NRXN3: variants seen among roughly 807,000 people sequenced by gnomAD.
The protein encoded by NRXN3 is neurexin III.
A neutral mutation model predicts 137.6 loss-of-function variants in NRXN3; 32 were observed. The observed-to-expected ratio is 0.23, with a 90% CI of 0.18 to 0.31. The LOEUF (loss-of-function observed/expected upper bound fraction) is 0.31. Among genes scored for constraint, NRXN3 ranks in the 10% least tolerant of loss-of-function variants. The pLI is 1.00. For synonymous variants in NRXN3, 798 were observed against 784.5 expected (o/e 1.02, Z -0.29); for missense variants, 1,574 against 2,062.5 (o/e 0.76, Z 4.59).
At chr14:78,278,752 C>G in intron 3 of NRXN3, 90 bp downstream of exon 3, 1 of 1,067,570 alleles carries the variant, frequency 9.4e-7, no homozygotes, top group Non-Finnish European at 1.4e-6. Flanking sequence ...TTTATAGAGA[C>G]AAAATTCTAA....
At chr14:79,352,173 A>G (rs773497048) in intron 15 of NRXN3, among the ~76,000 whole-genome samples, 2 of 152,094 alleles carry the variant, frequency 1.3e-5, no homozygotes, top group East Asian at 3.9e-4. Context: ...CTCCTTCTGC[A>G]TGCTTTCCTT....
rs1158997740 is a variant in NRXN3, at chr14:78,926,798, ATATATT to A, written c.2276-30438_2276-30433del. Among the ~76,000 whole-genome samples the A allele has an allele frequency of 5.7e-4, 29 of 50,476 alleles. 1 individual carries two copies. Among genetic ancestry groups the A allele is most frequent in the Middle Eastern group, 0.011 (1 of 90 alleles). The allele number at this position is 50,476 out of a possible 152,430, so 33.1% of individuals were successfully genotyped here. A position where few individuals can be genotyped will look rare whatever the true frequency, so the allele number is the denominator to read the frequency against. On this transcript the variant is annotated intron_variant, in intron 10 of 20. Coordinates refer to ENST00000335750, the MANE Select transcript of NRXN3 (RefSeq NM_001330195.2). Reference sequence around the variant, plus strand: ...ATATATATAAAATATATTATATATTATATATTTATATATATTATATATTATATATAA... The same window carrying A: ...ATATATATAAAATATATTATATATTATATATATATTATATATTATATATAA...
At chr14:79,518,399 T>A in intron 16 of NRXN3, among the ~76,000 whole-genome samples, 1 of 152,150 alleles carries the variant, frequency 6.6e-6, no homozygotes, top group East Asian at 1.9e-4. Context: ...GCTTAAATTT[T>A]ATTTTATATA....
Position 79,365,725 on chromosome 14 carries a change from C to CAAAAAAAAAAAAAAAAA in NRXN3, c.3263-101493_3263-101477dup, listed in dbSNP as rs569855024. Among the ~76,000 whole-genome samples the CAAAAAAAAAAAAAAAAA allele has an allele frequency of 3.5e-3, 148 of 42,230 alleles. 4 individuals are homozygous for CAAAAAAAAAAAAAAAAA. The highest frequency in any genetic ancestry group is 4.6e-3 in the Non-Finnish European group (110 of 23,920). The allele number at this position is 42,230 out of a possible 152,430, so 27.7% of individuals were successfully genotyped here. A position where few individuals can be genotyped will look rare whatever the true frequency, so the allele number is the denominator to read the frequency against. On this transcript the variant is annotated intron_variant, in intron 15 of 20. Transcript: ENST00000335750. ...TGGGCGACAGAGCGAGACTCTGTCT[C>CAAAAAAAAAAAAAAAAA]AAAAAAAAAAAAAAAAAAAGAAAAA...
intron 15 of NRXN3, among the ~76,000 whole-genome samples, chr14:79,142,361 C>G (rs10083483): frequency 0.45 from 68,703 of 151,128 alleles, 16,794 homozygotes; most frequent in African/African-American, 0.62. Flanking sequence ...GGGAGGCAGA[C>G]GTTGCAGTGA....
rs1603620763 is a variant in NRXN3 at position 79,864,531 on chromosome 14, G to A, written c.*2567G>A. On this transcript the variant is annotated 3_prime_UTR_variant, in exon 21 of 21. Transcript: ENST00000335750. Reference sequence around the variant, plus strand: ...AGTAAGAGCTAGACCACTTTCATGTGATAGAAGATATTCTAAGCAGTTACT... The same window carrying A: ...AGTAAGAGCTAGACCACTTTCATGTAATAGAAGATATTCTAAGCAGTTACT... 6.6e-6 allele frequency: 1 copy of A among 152,598 alleles called. No individual in the cohort carries two copies. The highest frequency in any genetic ancestry group is 1.9e-4 in the East Asian group (1 of 5,172). The allele number at this position is 152,598 out of a possible 1,614,324, so 9.5% of individuals were successfully genotyped here. A position where few individuals can be genotyped will look rare whatever the true frequency, so the allele number is the denominator to read the frequency against.
intron 4 of NRXN3, among the ~76,000 whole-genome samples, chr14:78,400,781 G>T (rs117616084): frequency 1.3e-5 from 2 of 151,998 alleles, no homozygotes; most frequent in African/African-American, 4.8e-5. Flanking sequence ...GTATGCAGTC[G>T]GTTTCTCTCT....
Position 78,978,210 on chromosome 14 carries a change from T to A in NRXN3, c.3143-9812T>A, listed in dbSNP as rs76032963. 3.0e-4 allele frequency among the ~76,000 whole-genome samples: 45 copies of A among 151,884 alleles called. No homozygotes were observed. In the East Asian group the frequency reaches 8.7e-3, roughly 30 times the overall value. ...AGCATCTGAACATGCTTGAGAAGAG[T>A]GGTTTTGATGCCTTGCTTAGCTTTG... On this transcript the variant is annotated intron_variant, in intron 14 of 20. Coordinates refer to ENST00000335750, the MANE Select transcript of NRXN3 (RefSeq NM_001330195.2).
intron 6 of NRXN3, among the ~76,000 whole-genome samples, chr14:78,679,472 C>G (rs1324642056): frequency 6.6e-6 from 1 of 152,114 alleles, no homozygotes; most frequent in African/African-American, 2.4e-5. Flanking sequence ...AGCCTGAAAG[C>G]CCAACTGTGC....
intron 15 of NRXN3, among the ~76,000 whole-genome samples, chr14:79,431,984 T>A (rs146395488): frequency 5.3e-5 from 8 of 152,284 alleles, no homozygotes; most frequent in African/African-American, 1.4e-4. Flanking sequence ...GTCCTCTGCA[T>A]GTAGCCAATG....
chr14:78,505,960 T>A (rs904901547), intron 4 of NRXN3, among the ~76,000 whole-genome samples: 4 of 152,126 alleles, frequency 2.6e-5, no homozygotes, highest in African/African-American at 9.7e-5. Flanking sequence ...TCCCAAAGTG[T>A]CCTGTGCTCC....
intron 7 of NRXN3, among the ~76,000 whole-genome samples, chr14:78,712,062 G>A (rs1425238560): frequency 2.0e-5 from 3 of 152,278 alleles, no homozygotes; most frequent in Admixed American, 2.0e-4. Flanking sequence ...CTTGTTAAGT[G>A]CATTCAAAAC....
chr14:78,764,830 G>A (rs1206723793), intron 8 of NRXN3, among the ~76,000 whole-genome samples: 4 of 152,074 alleles, frequency 2.6e-5, no homozygotes, highest in Non-Finnish European at 4.4e-5. Flanking sequence ...CTTGCTCAGC[G>A]AGCCACCGTC....
intron 8 of NRXN3, among the ~76,000 whole-genome samples, chr14:78,757,663 T>G (rs1435674674): frequency 6.6e-6 from 1 of 152,176 alleles, no homozygotes; most frequent in Non-Finnish European, 1.5e-5. Context: ...GAATGCAGTG[T>G]GGTATCCTGG....
At chr14:78,485,631 T>C (rs1174817661) in intron 4 of NRXN3, among the ~76,000 whole-genome samples, 2 of 152,246 alleles carry the variant, frequency 1.3e-5, no homozygotes, top group Admixed American at 1.3e-4. Context: ...AAATTTTCAC[T>C]GAAGACAAGT....
intron 4 of NRXN3, among the ~76,000 whole-genome samples, chr14:78,616,301 C>T (rs900139581): frequency 6.6e-6 from 1 of 152,212 alleles, no homozygotes; most frequent in African/African-American, 2.4e-5. Context: ...TCTCTTGTTA[C>T]TCTTGGTGCA....
chr14:79,824,657 C>G (rs2099287021), intron 20 of NRXN3, among the ~76,000 whole-genome samples: 1 of 152,124 alleles, frequency 6.6e-6, no homozygotes, highest in South Asian at 2.1e-4. Context: ...GATAAAAGCA[C>G]CCACTTCTAA....
intron 8 of NRXN3, among the ~76,000 whole-genome samples, chr14:78,802,566 C>A (rs2098842661): frequency 6.6e-6 from 1 of 152,122 alleles, no homozygotes; most frequent in Admixed American, 6.5e-5. Context: ...TTCTTGTCTG[C>A]AAGTAGGAAT....
chr14:79,076,893 A>C (rs1457943893), intron 15 of NRXN3, among the ~76,000 whole-genome samples: 2 of 152,020 alleles, frequency 1.3e-5, no homozygotes, highest in African/African-American at 4.8e-5. Flanking sequence ...ATTTCTTGCC[A>C]CCCCCAGCAC....
Sources: gnomAD v4.1 joint callset for allele counts (sites outside exome capture counted in the v4.1 genomes callset) on GRCh38, gnomAD v4.1.1 for gene constraint, MANE v1.5 for transcripts, NCBI Gene and HGNC (gene_info 2026-07-23, HGNC 2026-07-21) for gene names.